The following MYO1D variants were observed in gnomAD, a reference collection of about 807,000 sequenced individuals.
MYO1D encodes the protein unconventional myosin-Id.
In MYO1D, 83 loss-of-function variants were observed where a neutral mutation model predicts 122.0. The observed-to-expected ratio is 0.68, with a 90% CI of 0.57 to 0.82. MYO1D has a LOEUF of 0.82. Ranked by LOEUF, MYO1D falls within the 40% of genes least tolerant of loss-of-function variation. The probability of loss-of-function intolerance (pLI) is 0.00; values close to 1 mark genes in which losing one functional copy is unlikely to be tolerated. For missense variants in MYO1D, 1,157 were observed against 1,269.5 expected (o/e 0.91, Z 1.35); for synonymous variants, 464 against 446.9 (o/e 1.04, Z -0.48).
At chr17:32,706,067 T>C (rs1401960687) in intron 16 of MYO1D, among the ~76,000 whole-genome samples, 1 of 152,210 alleles carries the variant, frequency 6.6e-6, no homozygotes, top group Non-Finnish European at 1.5e-5. Context: ...AACAGACTAA[T>C]ACAGTCAACA....
chr17:32,577,635 C>CA (rs146464126), intron 21 of MYO1D, among the ~76,000 whole-genome samples: 6,353 of 139,202 alleles, frequency 0.046, 145 homozygotes, highest in Middle Eastern at 0.081. Flanking sequence ...AGTCTAGTCA[C>CA]AAAAAAAAAA....
intron 21 of MYO1D, among the ~76,000 whole-genome samples, chr17:32,603,745 T>C (rs1307778410): frequency 6.6e-6 from 1 of 152,072 alleles, no homozygotes; most frequent in East Asian, 1.9e-4. Context: ...CAGGATGGTC[T>C]CGATCTGCTG....
At chr17:32,628,865 T>C (rs2087962998) in intron 20 of MYO1D, among the ~76,000 whole-genome samples, 1 of 152,238 alleles carries the variant, frequency 6.6e-6, no homozygotes, top group Non-Finnish European at 1.5e-5. Context: ...ATCACAGGAT[T>C]GAGCAATAGC....
chr17:32,577,343 G>A (rs891826492), intron 21 of MYO1D, among the ~76,000 whole-genome samples: 1 of 151,980 alleles, frequency 6.6e-6, no homozygotes, highest in Non-Finnish European at 1.5e-5. Flanking sequence ...CATTGCCAGG[G>A]CTGGTCGTGA....
At chr17:32,747,843 A>G (rs1041387474) in intron 12 of MYO1D, among the ~76,000 whole-genome samples, 1 of 151,992 alleles carries the variant, frequency 6.6e-6, no homozygotes, top group African/African-American at 2.4e-5. Flanking sequence ...TCTCAAAAAA[A>G]AGGAAAAAAA....
chr17:32,601,015 G>A (rs192063805), intron 21 of MYO1D, among the ~76,000 whole-genome samples: 9 of 150,302 alleles, frequency 6.0e-5, no homozygotes, highest in East Asian at 3.9e-4. Context: ...GCAGTGGCAC[G>A]ATCATCGCTC....
At chr17:32,707,682 A>G (rs988240867) in intron 16 of MYO1D, among the ~76,000 whole-genome samples, 6 of 152,248 alleles carry the variant, frequency 3.9e-5, no homozygotes, top group African/African-American at 1.4e-4. Context: ...ACGTTGATAC[A>G]AAACTTTCCC....
chr17:32,679,209 T>G (rs1431878498), intron 16 of MYO1D, among the ~76,000 whole-genome samples: 1 of 150,236 alleles, frequency 6.7e-6, no homozygotes, highest in African/African-American at 2.4e-5. Flanking sequence ...TTTTGTAGGT[T>G]GCCTGTTCAC....
chr17:32,800,584 C>T (rs1027551527), intron 1 of MYO1D, among the ~76,000 whole-genome samples: 9 of 152,012 alleles, frequency 5.9e-5, no homozygotes, highest in African/African-American at 1.7e-4. Flanking sequence ...AGATGCTGGT[C>T]AACATGTACG....
At chr17:32,676,593 C>T (rs1419357912) in intron 16 of MYO1D, among the ~76,000 whole-genome samples, 1 of 152,062 alleles carries the variant, frequency 6.6e-6, no homozygotes, top group African/African-American at 2.4e-5. Flanking sequence ...CTAGAGGCGA[C>T]TCTCCCTGAA....
At chr17:32,520,529 C>T (rs1910097943) in intron 21 of MYO1D, among the ~76,000 whole-genome samples, 1 of 152,226 alleles carries the variant, frequency 6.6e-6, no homozygotes, top group Non-Finnish European at 1.5e-5. Context: ...TCTGGAGCAC[C>T]ATGCTTTGTG....
chr17:32,746,892 TTTC>T (rs756374789), intron 12 of MYO1D, among the ~76,000 whole-genome samples: 20 of 152,350 alleles, frequency 1.3e-4, no homozygotes, highest in Non-Finnish European at 2.2e-4. Context: ...TCTGCATAAG[TTTC>T]TTCATCTGTA....
chr17:32,780,683 T>C lies in MYO1D; in HGVS notation c.197A>G (p.Tyr66Cys). ...NIYGRDTIEQ[Y>C]KGRELYERPP... is the part of the protein sequence containing the mutation. The stretch of plus-strand genomic sequence containing the variant: ...TCTCTCATACAGCTCACGGCCTTTA[T>C]ACTGCTCAATTGTGTCTCTTCCATA... Residue 66 changes from tyrosine to cysteine, a missense_variant, in exon 2 of 22, where the codon TAT becomes TGT. Coordinates refer to ENST00000318217, the MANE Select transcript of MYO1D (RefSeq NM_015194.3). 1 of 1,614,210 alleles carries C rather than the reference T, an allele frequency of 6.2e-7. No homozygotes were observed. The highest frequency in any genetic ancestry group is 2.2e-5 in the East Asian group (1 of 44,884).
chr17:32,594,302 A>G (rs957974588), intron 21 of MYO1D: 1 of 357,458 alleles, frequency 2.8e-6, no homozygotes, highest in Non-Finnish European at 5.0e-6. Context: ...GTTGCCCATT[A>G]TAACAGTAAA....
intron 19 of MYO1D, among the ~76,000 whole-genome samples, chr17:32,647,581 A>AT (rs1419253394): frequency 6.6e-6 from 1 of 151,834 alleles, no homozygotes; most frequent in Non-Finnish European, 1.5e-5. Context: ...TATTAATTTG[A>AT]TTTTCCAGCT....
chr17:32,817,853 G>A (rs544722800), intron 1 of MYO1D, among the ~76,000 whole-genome samples: 3 of 152,034 alleles, frequency 2.0e-5, no homozygotes, highest in Admixed American at 1.3e-4. Context: ...GGGGCCGGGC[G>A]CGGTGGCTCA....
At chr17:32,765,848 C>T (rs534646319) in intron 7 of MYO1D, among the ~76,000 whole-genome samples, 1 of 152,004 alleles carries the variant, frequency 6.6e-6, no homozygotes, top group East Asian at 1.9e-4. Flanking sequence ...TGATTAGTTG[C>T]TCTAACGGGA....
chr17:32,590,557 C>T (rs536046303), intron 21 of MYO1D, among the ~76,000 whole-genome samples: 34 of 152,288 alleles, frequency 2.2e-4, no homozygotes, highest in African/African-American at 7.9e-4. Flanking sequence ...CTCCTACCAC[C>T]CGCAGCCTGA....
chr17:32,871,200 C>T (rs1311942797), intron 1 of MYO1D, among the ~76,000 whole-genome samples: 1 of 152,172 alleles, frequency 6.6e-6, no homozygotes, highest in Non-Finnish European at 1.5e-5. Context: ...CAAAGACACC[C>T]ACCCACACAC....
Sources: gnomAD v4.1 joint callset for allele counts (sites outside exome capture counted in the v4.1 genomes callset) on GRCh38, gnomAD v4.1.1 for gene constraint, MANE v1.5 for transcripts, NCBI Gene and HGNC (gene_info 2026-07-23, HGNC 2026-07-21) for gene names.